The following FREM1 variants were observed in gnomAD, a reference collection of about 807,000 sequenced individuals.
FREM1 encodes FRAS1-related extracellular matrix protein 1.
FREM1 carries 220 observed loss-of-function variants against 210.1 expected under a neutral mutation model. The ratio of observed to expected loss-of-function variants is 1.05; its 90% CI spans 0.94 to 1.17. The LOEUF (loss-of-function observed/expected upper bound fraction) is 1.17, where lower values mean the gene tolerates loss of function less well. Among genes scored for constraint, FREM1 ranks in the 50% most tolerant of loss-of-function variants. The pLI, the probability that FREM1 is intolerant of heterozygous loss-of-function variation, is 0.00. For synonymous variants in FREM1, 1,189 were observed against 980.2 expected, an observed-to-expected ratio of 1.21 and a Z score of -3.98; for missense variants, 3,454 against 2,675.5, an observed-to-expected ratio of 1.29 and a Z score of -6.42.
At chr9:14,825,058 A>G in intron 10 of FREM1, 66 bp from the exon 11 acceptor site, 1 of 1,042,068 alleles carries the variant, frequency 9.6e-7, no homozygotes, top group Non-Finnish European at 1.4e-6. Context: ...AATGCCCCAC[A>G]ATCACCTAGT....
chr9:14,794,461 G>C (rs1355795171), intron 21 of FREM1, among the ~76,000 whole-genome samples: 2 of 152,198 alleles, frequency 1.3e-5, no homozygotes, highest in African/African-American at 4.8e-5. Flanking sequence ...AGGCAGAAAA[G>C]TGGAGTGAGG....
intron 1 of FREM1, among the ~76,000 whole-genome samples, chr9:14,885,611 G>T (rs978449232): frequency 6.6e-6 from 1 of 151,974 alleles, no homozygotes; most frequent in Non-Finnish European, 1.5e-5. Context: ...CATAGGGATG[G>T]GAGTCTCACA....
At chr9:14,882,931 A>AATCACCCATCTT (rs1333916364) in intron 1 of FREM1, among the ~76,000 whole-genome samples, 8 of 150,472 alleles carry the variant, frequency 5.3e-5, no homozygotes, top group African/African-American at 2.0e-4. Flanking sequence ...AAAAAAAAGG[A>AATCACCCATCTT]ATCACCCATC....
chr9:14,813,154 A>C (rs1273457415), intron 15 of FREM1, 90 bp from the exon 16 acceptor site: 30 of 1,334,180 alleles, frequency 2.2e-5, no homozygotes, highest in Non-Finnish European at 3.0e-5. Flanking sequence ...TCAGAATGAC[A>C]GGCATTTTCA....
At chr9:14,806,637 G>A (rs377417995) in intron 18 of FREM1, 24 bp downstream of exon 18, 5 of 1,349,432 alleles carry the variant, frequency 3.7e-6, no homozygotes, top group Admixed American at 1.9e-5. Context: ...GGGAGTCATT[G>A]CTGGTGACGA....
intron 36 of FREM1, among the ~76,000 whole-genome samples, chr9:14,738,321 C>G (rs1158911432): frequency 6.6e-6 from 1 of 152,146 alleles, no homozygotes; most frequent in African/African-American, 2.4e-5. Flanking sequence ...CGACATTCCC[C>G]AAATCAAATT....
rs192937670 is a variant in FREM1 at position 14,743,648 on chromosome 9, T to C, written c.6254+2705A>G. On this transcript the variant is annotated intron_variant, in intron 35 of 36. Transcript: ENST00000380880. ...TTGGCCTTTAAGAACCATTGGAAGATGAACAAAAGATAGCTTCTAAACTTC... is the reference window on the plus strand; with the variant it reads ...TTGGCCTTTAAGAACCATTGGAAGACGAACAAAAGATAGCTTCTAAACTTC... Among the ~76,000 whole-genome samples the C allele has an allele frequency of 2.0e-5, 3 of 152,244 alleles. No individual in the cohort carries two copies. In the East Asian group the frequency reaches 5.8e-4, roughly 29 times the overall value.
rs767762974 is a variant in FREM1, at chr9:14,851,532, C to A, written c.904G>T (p.Val302Leu). The A allele has an allele frequency of 2.5e-6, 4 of 1,613,908 alleles. No individual in the cohort carries two copies. Among genetic ancestry groups the A allele is most frequent in the Middle Eastern group, 3.3e-4 (2 of 6,062 alleles). ...NQIPKAAFMA[V>L]FILEVDQFIL... Reference sequence around the variant, plus strand: ...AACTGATCCACTTCCAGAATAAACACGGCCATGAATGCAGCCTTTGGAATC... The same window carrying A: ...AACTGATCCACTTCCAGAATAAACAAGGCCATGAATGCAGCCTTTGGAATC... Residue 302 changes from valine (V) to leucine (L), a missense_variant, in exon 6 of 37, where the codon GTG becomes TTG. Coordinates refer to ENST00000380880, the MANE Select transcript of FREM1 (RefSeq NM_001379081.2).
chr9:14,849,117 T>A (rs1441780796), intron 6 of FREM1, among the ~76,000 whole-genome samples: 1 of 152,076 alleles, frequency 6.6e-6, no homozygotes, highest in Non-Finnish European at 1.5e-5. Context: ...AGAGAAGTGG[T>A]TTTCAACTAG....
intron 25 of FREM1, among the ~76,000 whole-genome samples, chr9:14,773,346 G>A (rs1020462757): frequency 6.6e-6 from 1 of 152,154 alleles, no homozygotes; most frequent in African/African-American, 2.4e-5. Flanking sequence ...CAATTACTCA[G>A]GTACCACCAG....
At chr9:14,774,185 C>A in intron 25 of FREM1, 1 of 515,416 alleles carries the variant, frequency 1.9e-6, no homozygotes, top group South Asian at 1.4e-5. Flanking sequence ...CAAGACTTCC[C>A]TCATAGATAA....
At chr9:14,791,820 GTTTGTTTTGT>G (rs71323912) in intron 22 of FREM1, among the ~76,000 whole-genome samples, 1 of 150,234 alleles carries the variant, frequency 6.7e-6, no homozygotes, top group African/African-American at 2.4e-5. Flanking sequence ...TCAGATAATG[GTTTGTTTTGT>G]TTTGTTTTGT....
intron 24 of FREM1, among the ~76,000 whole-genome samples, chr9:14,783,109 G>C (rs1384661496): frequency 6.6e-6 from 1 of 152,166 alleles, no homozygotes; most frequent in Non-Finnish European, 1.5e-5. Flanking sequence ...CACTTATCAA[G>C]AGAAAAAAAT....
At position 14,776,217 on chromosome 9, in the gene FREM1, G is replaced by T; in HGVS notation, c.4443-14C>A. Reference sequence around the variant, plus strand: ...CTGATGATGAATCTGGTAAAGAGAGGCAAGGCAGCCTTCAGCATGGATTCT... The same window carrying T: ...CTGATGATGAATCTGGTAAAGAGAGTCAAGGCAGCCTTCAGCATGGATTCT... On this transcript the variant is annotated splice_polypyrimidine_tract_variant and intron_variant, in intron 24 of 36. Coordinates refer to ENST00000380880, the MANE Select transcript of FREM1 (RefSeq NM_001379081.2). 6.6e-7 allele frequency: 1 copy of T among 1,511,316 alleles called. No homozygotes were observed. The highest frequency in any genetic ancestry group is 1.8e-4 in the Middle Eastern group (1 of 5,588). 93.6% of individuals were successfully genotyped at this position (1,511,316 alleles called of 1,614,324 possible).
chr9:14,746,753 G>A (rs188122871), intron 34 of FREM1, among the ~76,000 whole-genome samples, 170 bp downstream of exon 34: 2 of 152,334 alleles, frequency 1.3e-5, no homozygotes, highest in East Asian at 3.9e-4. Flanking sequence ...CATATTTTGT[G>A]ATTTTTAAAA....
intron 16 of FREM1, among the ~76,000 whole-genome samples, chr9:14,808,493 G>C (rs557687303): frequency 1.3e-5 from 2 of 152,210 alleles, no homozygotes; most frequent in East Asian, 3.9e-4. Flanking sequence ...ACCAACCTCA[G>C]GGAGAGGGAG....
At chr9:14,791,407 C>T (rs1425498240) in intron 22 of FREM1, among the ~76,000 whole-genome samples, 3 of 152,212 alleles carry the variant, frequency 2.0e-5, no homozygotes, top group African/African-American at 4.8e-5. Flanking sequence ...AGAACATATA[C>T]AATTCCAGGA....
Position 14,748,562 on chromosome 9 carries a change from G to A in FREM1, c.5635C>T (p.Pro1879Ser), listed in dbSNP as rs377413950. The change falls in exon 31 of 37, where the codon CCA becomes TCA. Residue 1879 changes from proline (P) to serine (S), a missense_variant. Physicochemically the swap from Pro to Ser is moderately conservative, Grantham distance 74. Transcript: ENST00000380880. Reference sequence around the variant, plus strand: ...GAAGTGGTGGATGAGGAAGACCCTGGGGGCAGCAGATGCCAAATGCCCTTC... The same window carrying A: ...GAAGTGGTGGATGAGGAAGACCCTGAGGGCAGCAGATGCCAAATGCCCTTC... Reference protein sequence around the residue: ...WEKGIWHLLPPGSSSSTTSGS... With the variant: ...WEKGIWHLLPSGSSSSTTSGS... 1.4e-5 allele frequency: 23 copies of A among 1,613,780 alleles called. No homozygotes were observed. The highest frequency in any genetic ancestry group is 4.4e-5 in the South Asian group (4 of 91,066).
chr9:14,746,874 T>C (rs751665114), intron 34 of FREM1, 49 bp downstream of exon 34: 7 of 1,596,108 alleles, frequency 4.4e-6, no homozygotes, highest in African/African-American at 1.3e-5. Flanking sequence ...TAGCTTATCA[T>C]AGAGCACATT....
Sources: gnomAD v4.1 joint callset for allele counts (sites outside exome capture counted in the v4.1 genomes callset) on GRCh38, gnomAD v4.1.1 for gene constraint, MANE v1.5 for transcripts, NCBI Gene and HGNC (gene_info 2026-07-23, HGNC 2026-07-21) for gene names.